ATP6V0A4: variants seen among roughly 807,000 people sequenced by gnomAD.
The protein encoded by ATP6V0A4 is ATPase H+ transporting V0 subunit a4, also known as V-type proton ATPase 116 kDa subunit a 4.
A neutral mutation model predicts 107.3 loss-of-function variants in ATP6V0A4; 86 were observed. That is an observed-to-expected ratio of 0.80 (90% CI 0.67 to 0.96). ATP6V0A4 has a LOEUF of 0.96. Ranked by LOEUF, ATP6V0A4 falls within the 40% of genes least tolerant of loss-of-function variation. The probability of loss-of-function intolerance (pLI) is 0.00; values close to 1 mark genes in which losing one functional copy is unlikely to be tolerated. For synonymous variants in ATP6V0A4, 353 were observed against 381.4 expected (o/e 0.93, Z 0.87); for missense variants, 908 against 1,045.6 (o/e 0.87, Z 1.81).
At chr7:138,768,130 C>T (rs1354167461) in intron 5 of ATP6V0A4, among the ~76,000 whole-genome samples, 2 of 152,120 alleles carry the variant, frequency 1.3e-5, no homozygotes, top group African/African-American at 2.4e-5. Context: ...GACAGGGTTT[C>T]ACCATGTTGG....
intron 16 of ATP6V0A4, among the ~76,000 whole-genome samples, chr7:138,733,917 G>T (rs986141299): frequency 2.6e-5 from 4 of 152,082 alleles, no homozygotes; most frequent in Non-Finnish European, 5.9e-5. Context: ...TGGGGCCAGA[G>T]GAGCACTTAC....
intron 2 of ATP6V0A4, among the ~76,000 whole-genome samples, chr7:138,781,323 T>TC (rs1290783797): frequency 9.2e-6 from 1 of 109,178 alleles, no homozygotes; most frequent in African/African-American, 6.1e-5. Context: ...TCAGATTTTC[T>TC]TTTTTTTTTT....
At chr7:138,779,068 C>A (rs911075687) in intron 2 of ATP6V0A4, among the ~76,000 whole-genome samples, 1 of 152,140 alleles carries the variant, frequency 6.6e-6, no homozygotes, top group Non-Finnish European at 1.5e-5. Context: ...GGGCCAGGAG[C>A]GATGGCTTGA....
At chr7:138,720,176 A>G (rs1804361169) in intron 19 of ATP6V0A4, among the ~76,000 whole-genome samples, 1 of 152,140 alleles carries the variant, frequency 6.6e-6, no homozygotes, top group African/African-American at 2.4e-5. Context: ...TGCGGCTGGG[A>G]TCAGTCTTGG....
At chr7:138,794,712 A>G (rs1238411503) in intron 1 of ATP6V0A4, among the ~76,000 whole-genome samples, 1 of 152,078 alleles carries the variant, frequency 6.6e-6, no homozygotes, top group Non-Finnish European at 1.5e-5. Context: ...CAACTTCCTG[A>G]TATGCGCTCC....
chr7:138,760,494 T>C (rs189227948), intron 7 of ATP6V0A4, among the ~76,000 whole-genome samples: 1 of 151,714 alleles, frequency 6.6e-6, no homozygotes, highest in African/African-American at 2.4e-5. Context: ...TCATGCATTG[T>C]AGCTAATGAT....
In ATP6V0A4 at chr7:138,768,480, A is replaced by C. The variant is rs180744881; in HGVS notation, c.291+300T>G. 2.0e-3 allele frequency among the ~76,000 whole-genome samples: 297 copies of C among 150,424 alleles called. 1 individual carries two copies. The highest frequency in any genetic ancestry group is 6.8e-3 in the African/African-American group (280 of 41,034). On this transcript the variant is annotated intron_variant, in intron 5 of 21. Coordinates refer to ENST00000310018, the MANE Select transcript of ATP6V0A4 (RefSeq NM_020632.3). ...TCAGTGGCACCCAGCAGACAAGACC[A>C]CACTGCCTGTAAGAATCAAACACCC...
intron 1 of ATP6V0A4, among the ~76,000 whole-genome samples, chr7:138,796,883 A>G (rs1193620688): frequency 3.3e-5 from 5 of 152,212 alleles, no homozygotes; most frequent in Non-Finnish European, 7.3e-5. Context: ...TGGGTCTTCA[A>G]TAAATGTTTT....
intron 1 of ATP6V0A4, among the ~76,000 whole-genome samples, chr7:138,790,852 C>G (rs1324611652): frequency 6.6e-6 from 1 of 152,114 alleles, no homozygotes; most frequent in Admixed American, 6.6e-5. Flanking sequence ...CCCAAGCACT[C>G]GATTAAAGCA....
intron 19 of ATP6V0A4, among the ~76,000 whole-genome samples, chr7:138,718,234 G>A (rs1185155473): frequency 4.9e-5 from 1 of 20,532 alleles, no homozygotes; most frequent in South Asian, 2.2e-3. Flanking sequence ...GTGTGTGCGC[G>A]CAGTTATGGA....
At chr7:138,762,692 C>T (rs879263226) in intron 6 of ATP6V0A4, among the ~76,000 whole-genome samples, 2 of 152,158 alleles carry the variant, frequency 1.3e-5, no homozygotes, top group South Asian at 2.1e-4. Context: ...TCAGCACATA[C>T]ATTTTACTGA....
intron 2 of ATP6V0A4, among the ~76,000 whole-genome samples, chr7:138,779,355 A>AT (rs1807819702): frequency 6.6e-6 from 1 of 150,680 alleles, no homozygotes; most frequent in Non-Finnish European, 1.5e-5. Flanking sequence ...CTTAAAAAAA[A>AT]ATAAATAAAT....
intron 14 of ATP6V0A4, among the ~76,000 whole-genome samples, chr7:138,744,437 C>T (rs113044253): frequency 3.3e-5 from 5 of 152,184 alleles, no homozygotes; most frequent in African/African-American, 1.2e-4. Context: ...GGGGTTTCAC[C>T]ATGTTGGCCA....
chr7:138,747,336 T>TA (rs988174870), intron 13 of ATP6V0A4, 89 bp downstream of exon 13: 103 of 1,510,378 alleles, frequency 6.8e-5, no homozygotes, highest in Non-Finnish European at 9.0e-5. Context: ...TTATTTTTCA[T>TA]AAAAATGTGT....
chr7:138,737,763 CTTT>C (rs35898810), intron 15 of ATP6V0A4, among the ~76,000 whole-genome samples: 5 of 130,912 alleles, frequency 3.8e-5, no homozygotes, highest in Non-Finnish European at 4.8e-5. Context: ...GGTATTTTTA[CTTT>C]TTTTTTTTTT....
At chr7:138,759,939 CCCTGTAGGACGTGAAGACA>C in intron 7 of ATP6V0A4, 61 bp from the exon 8 acceptor site, 1 of 1,611,762 alleles carries the variant, frequency 6.2e-7, no homozygotes, top group East Asian at 2.2e-5. Flanking sequence ...AGAGAGAAGG[CCCTGTAGGACGTGAAGACA>C]CACCATGAAA....
At chr7:138,796,211 C>T (rs1563027205) in intron 1 of ATP6V0A4, among the ~76,000 whole-genome samples, 1 of 152,040 alleles carries the variant, frequency 6.6e-6, no homozygotes, top group Non-Finnish European at 1.5e-5. Context: ...TTCTCACCCC[C>T]AGGTCCCCAC....
Position 138,798,172 on chromosome 7 carries a change from C to G in ATP6V0A4, c.-259G>C. The G allele has an allele frequency of 6.3e-7, 1 of 1,594,696 alleles. No homozygotes were observed. Among genetic ancestry groups the G allele is most frequent in the Non-Finnish European group, 8.5e-7 (1 of 1,171,144 alleles). On this transcript the variant is annotated 5_prime_UTR_variant, in exon 1 of 22. Transcript: ENST00000310018. Reference sequence around the variant, plus strand: ...AGCCTGGCCTTTGCCTCCCTCCACTCGGCTTGCTCGGCAGGTAGCGTTATG... The same window carrying G: ...AGCCTGGCCTTTGCCTCCCTCCACTGGGCTTGCTCGGCAGGTAGCGTTATG...
chr7:138,757,552 G>A (rs947450027), intron 8 of ATP6V0A4, among the ~76,000 whole-genome samples: 1 of 152,006 alleles, frequency 6.6e-6, no homozygotes, highest in Non-Finnish European at 1.5e-5. Context: ...AAAAACTATT[G>A]TTGGAAAAGT....
Sources: allele counts gnomAD v4.1 joint callset (sites outside exome capture counted in the v4.1 genomes callset), GRCh38; gene constraint gnomAD v4.1.1; transcripts MANE v1.5; gene names NCBI Gene and HGNC (gene_info 2026-07-23, HGNC 2026-07-21).